The following NELL1 variants were observed in gnomAD, a reference collection of about 807,000 sequenced individuals.
NELL1 encodes neural EGFL like 1, also known as protein kinase C-binding protein NELL1.
Under a neutral mutation model 107.4 loss-of-function variants are expected in NELL1, and 76 were observed. The observed-to-expected ratio is 0.71, with a 90% CI of 0.59 to 0.86. The LOEUF (loss-of-function observed/expected upper bound fraction) is 0.86. Ranked by LOEUF, NELL1 falls within the 40% of genes least tolerant of loss-of-function variation. NELL1 has a pLI of 0.00. For synonymous variants in NELL1, 353 were observed against 341.2 expected (o/e 1.03, Z -0.38); for missense variants, 1,024 against 1,005.5 (o/e 1.02, Z -0.25).
chr11:20,787,650 A>G (rs1398661051), intron 3 of NELL1, among the ~76,000 whole-genome samples: 1 of 152,184 alleles, frequency 6.6e-6, no homozygotes, highest in African/African-American at 2.4e-5. Flanking sequence ...TGTGATTCTG[A>G]TTGTATTACT....
At chr11:20,670,603 C>T in intron 1 of NELL1, 1 of 152,390 alleles carries the variant, frequency 6.6e-6, no homozygotes, top group Non-Finnish European at 1.5e-5. Flanking sequence ...GGCTCCCTTG[C>T]CCAAAAGTCC....
chr11:21,138,897 A>T (rs1410723844), intron 13 of NELL1, among the ~76,000 whole-genome samples: 3 of 152,208 alleles, frequency 2.0e-5, no homozygotes, highest in Non-Finnish European at 2.9e-5. Context: ...ATTACAATGG[A>T]TCTAGCATCC....
chr11:20,956,976 T>C (rs950048176), intron 11 of NELL1, among the ~76,000 whole-genome samples: 1 of 152,100 alleles, frequency 6.6e-6, no homozygotes, highest in Non-Finnish European at 1.5e-5. Context: ...TTGGTGGAGA[T>C]GGCAGTAAGG....
intron 10 of NELL1, among the ~76,000 whole-genome samples, chr11:20,938,930 CTCTCTCTCTCTGTG>C (rs1564976772): frequency 8.1e-6 from 1 of 124,078 alleles, no homozygotes; most frequent in South Asian, 3.0e-4. Context: ...CTCTCTCTCT[CTCTCTCTCTCTGTG>C]TGTGTGTGTG....
chr11:21,290,935 C>G (rs1849243609), intron 14 of NELL1, among the ~76,000 whole-genome samples: 1 of 152,154 alleles, frequency 6.6e-6, no homozygotes, highest in Non-Finnish European at 1.5e-5. Flanking sequence ...TGCCTCTTCT[C>G]CCCCAAAGCA....
chr11:20,865,709 C>T lies in NELL1; in HGVS notation c.506+17956C>T, dbSNP rs1476572140. Among the ~76,000 whole-genome samples, 9 of 152,118 alleles carry T rather than the reference C, an allele frequency of 5.9e-5. No homozygotes were observed. The East Asian group carries it at 1.7e-3, about 29-fold the overall frequency. ...CCTATTAGGTGGTTCTTTTTGGCTT[C>T]CTTGCTCTTTAATGCCAGAAAGGGA... On this transcript the variant is annotated intron_variant, in intron 4 of 19. Coordinates refer to ENST00000357134, the MANE Select transcript of NELL1 (RefSeq NM_006157.5).
intron 12 of NELL1, among the ~76,000 whole-genome samples, chr11:21,002,961 A>G (rs945892174): frequency 2.0e-5 from 3 of 152,128 alleles, no homozygotes; most frequent in African/African-American, 7.2e-5. Flanking sequence ...TAACATGATT[A>G]TATTTTTTAA....
intron 14 of NELL1, among the ~76,000 whole-genome samples, chr11:21,333,832 C>A (rs965838576): frequency 6.6e-6 from 1 of 152,028 alleles, no homozygotes; most frequent in Non-Finnish European, 1.5e-5. Context: ...AAAATTGGCT[C>A]TTTTCTTGTT....
At chr11:21,390,435 T>A (rs1316995222) in intron 15 of NELL1, among the ~76,000 whole-genome samples, 2 of 150,810 alleles carry the variant, frequency 1.3e-5, no homozygotes, top group East Asian at 3.9e-4. Flanking sequence ...CAGTTTTAGA[T>A]GTTACCTATT....
chr11:21,371,424 G>C (rs556066175), intron 15 of NELL1, among the ~76,000 whole-genome samples: 44 of 152,146 alleles, frequency 2.9e-4, no homozygotes, highest in African/African-American at 1.1e-3. Flanking sequence ...TGGTTTATTA[G>C]GAACATTATC....
intron 4 of NELL1, among the ~76,000 whole-genome samples, chr11:20,859,377 T>C (rs140203411): frequency 2.0e-5 from 3 of 152,312 alleles, no homozygotes; most frequent in Non-Finnish European, 4.4e-5. Context: ...GAAGTATTGA[T>C]AGGTTCATGA....
chr11:20,939,558 A>C (rs1564977202), intron 10 of NELL1, among the ~76,000 whole-genome samples: 1 of 152,172 alleles, frequency 6.6e-6, no homozygotes, highest in African/African-American at 2.4e-5. Context: ...AGTTTGGATC[A>C]TATGTCCAAG....
At chr11:21,144,658 CT>C (rs2133776422) in intron 13 of NELL1, among the ~76,000 whole-genome samples, 1 of 152,252 alleles carries the variant, frequency 6.6e-6, no homozygotes, top group Admixed American at 6.5e-5. Context: ...GAGTCTGCTG[CT>C]TTTAGCGTGA....
intron 16 of NELL1, among the ~76,000 whole-genome samples, chr11:21,542,416 G>A (rs1419145470): frequency 6.6e-6 from 1 of 152,026 alleles, no homozygotes; most frequent in Non-Finnish European, 1.5e-5. Flanking sequence ...TACAAAAAAA[G>A]GGAGCATGAG....
At chr11:20,938,934 CTCTCTCTGTGTG>C (rs1450089404) in intron 10 of NELL1, among the ~76,000 whole-genome samples, 4 of 42,420 alleles carry the variant, frequency 9.4e-5, no homozygotes, top group African/African-American at 1.5e-4. Flanking sequence ...CTCTCTCTCT[CTCTCTCTGTGTG>C]TGTGTGTGTG....
chr11:20,677,592 A>G (rs1187541909), intron 1 of NELL1, among the ~76,000 whole-genome samples: 2 of 152,176 alleles, frequency 1.3e-5, no homozygotes, highest in African/African-American at 4.8e-5. Flanking sequence ...TCTGAGTTAG[A>G]CTTTGCTAAA....
At chr11:21,181,084 C>G (rs1236336037) in intron 13 of NELL1, among the ~76,000 whole-genome samples, 1 of 151,828 alleles carries the variant, frequency 6.6e-6, no homozygotes, top group Admixed American at 6.5e-5. Context: ...TGCTCTCTCC[C>G]TGCAAGGTAA....
At chr11:21,371,226 G>A (rs566044309) in intron 15 of NELL1, among the ~76,000 whole-genome samples, 1 of 152,168 alleles carries the variant, frequency 6.6e-6, no homozygotes, top group East Asian at 1.9e-4. Flanking sequence ...GCTAATTAGA[G>A]ATAAAGCCTG....
At chr11:21,485,306 C>T (rs1421385519) in intron 15 of NELL1, among the ~76,000 whole-genome samples, 1 of 152,108 alleles carries the variant, frequency 6.6e-6, no homozygotes, top group African/African-American at 2.4e-5. Context: ...CAAATCTCAC[C>T]TCTCCCACTG....
Sources: gnomAD v4.1 joint callset for allele counts (sites outside exome capture counted in the v4.1 genomes callset) on GRCh38, gnomAD v4.1.1 for gene constraint, MANE v1.5 for transcripts, NCBI Gene and HGNC (gene_info 2026-07-23, HGNC 2026-07-21) for gene names.